Variants in FAM185A observed in about 807,000 individuals in gnomAD.
FAM185A encodes family with sequence similarity 185 member A, also known as protein FAM185A.
Under a neutral mutation model 45.7 loss-of-function variants are expected in FAM185A, and 21 were observed. The observed-to-expected ratio is 0.46, with a 90% CI of 0.33 to 0.66. The LOEUF is 0.66. FAM185A is among the 30% of genes least tolerant of loss of function. FAM185A has a pLI of 0.03. For missense variants in FAM185A, 305 were observed against 485.4 expected (o/e 0.63, Z 3.49); for synonymous variants, 117 against 194.0 (o/e 0.60, Z 3.30).
the FAM185A span, among the ~76,000 whole-genome samples, chr7:102,817,058 G>T: frequency 1.3e-5 from 2 of 152,166 alleles, no homozygotes. Context: ...GAATGATGCT[G>T]CAATAAACAT....
intron 7 of FAM185A, among the ~76,000 whole-genome samples, chr7:102,794,737 G>C (rs1295871801): frequency 6.6e-6 from 1 of 152,192 alleles, no homozygotes. Context: ...ATTTGTAATA[G>C]CCAAAAAACT....
At chr7:102,834,831 G>C in the FAM185A span, 5 of 151,616 alleles carry the variant, frequency 3.3e-5, no homozygotes, top group African/African-American at 4.8e-5. Context: ...AGTATCATAA[G>C]TATGTAAGGT....
intron 6 of FAM185A, among the ~76,000 whole-genome samples, chr7:102,778,795 C>T (rs1018105141): frequency 5.9e-5 from 9 of 152,164 alleles, no homozygotes; most frequent in African/African-American, 1.4e-4. Flanking sequence ...TCTCAATACA[C>T]TTGGTAAGAG....
intron 7 of FAM185A, among the ~76,000 whole-genome samples, chr7:102,793,966 G>A (rs1413270072): frequency 6.7e-6 from 1 of 149,944 alleles, no homozygotes; most frequent in African/African-American, 2.5e-5. Flanking sequence ...CTTGAACCCA[G>A]GAGGCAGAGA....
chr7:102,767,427 T>C (rs1440099004), intron 4 of FAM185A, among the ~76,000 whole-genome samples: 3 of 152,128 alleles, frequency 2.0e-5, no homozygotes, highest in African/African-American at 7.2e-5. Context: ...GGCTGAGATA[T>C]GTAGTTTAGC....
At chr7:102,807,326 T>G (rs1797180362) in intron 7 of FAM185A, among the ~76,000 whole-genome samples, 1 of 152,196 alleles carries the variant, frequency 6.6e-6, no homozygotes, top group Non-Finnish European at 1.5e-5. Flanking sequence ...TGTCAAAACT[T>G]ACTACATTGT....
At chr7:102,822,700 T>C in the FAM185A span, among the ~76,000 whole-genome samples, 17 of 152,370 alleles carry the variant, frequency 1.1e-4, no homozygotes, top group African/African-American at 4.1e-4. Context: ...ATAATGGGCC[T>C]ACAATTCAAG....
chr7:102,822,033 T>C, the FAM185A span: 1 of 1,614,132 alleles, frequency 6.2e-7, no homozygotes, highest in African/African-American at 1.3e-5. Flanking sequence ...GTCAGGTACA[T>C]ACTTACTTGG....
chr7:102,835,270 G>A, the FAM185A span, among the ~76,000 whole-genome samples: 3 of 152,164 alleles, frequency 2.0e-5, no homozygotes. Context: ...ATTAGAAGGG[G>A]CAGCTTGTCA....
At position 102,772,451 on chromosome 7, in the gene FAM185A, G is replaced by C. The variant is rs1294654148; in HGVS notation, c.835+1G>C. On this transcript the variant is annotated splice_donor_variant, in intron 5 of 7. Coordinates refer to ENST00000413034, the MANE Select transcript of FAM185A (RefSeq NM_001145268.2). LOFTEE classifies it high-confidence loss of function. ...AGCAAGATGGGTAACATCACAGTAG[G>C]TATGTGCTAAGCTACTAGTTCGTGT... 2 of 1,543,372 alleles carry C rather than the reference G, an allele frequency of 1.3e-6. No homozygotes were observed. The highest frequency in any genetic ancestry group is 4.1e-5 in the Admixed American group (2 of 49,216).
chr7:102,843,804 A>T, the FAM185A span, among the ~76,000 whole-genome samples: 4 of 152,190 alleles, frequency 2.6e-5, no homozygotes, highest in Non-Finnish European at 5.9e-5. Flanking sequence ...ATAAAAATTT[A>T]AAAATCCAAT....
chr7:102,787,295 T>C (rs1453198298), intron 6 of FAM185A, 40 bp from the exon 7 acceptor site: 1 of 1,304,908 alleles, frequency 7.7e-7, no homozygotes, highest in Non-Finnish European at 9.9e-7. Context: ...GTACTTTTGA[T>C]TTCTTTATAT....
chr7:102,753,565 G>T (rs982067685), intron 2 of FAM185A, among the ~76,000 whole-genome samples: 2 of 151,892 alleles, frequency 1.3e-5, no homozygotes, highest in African/African-American at 4.8e-5. Flanking sequence ...TTGTGACAAG[G>T]GAAAATGTCT....
chr7:102,830,509 A>C, the FAM185A span, among the ~76,000 whole-genome samples: 1 of 152,218 alleles, frequency 6.6e-6, no homozygotes, highest in African/African-American at 2.4e-5. Flanking sequence ...GAACCAGATG[A>C]TGCTGACCAG....
intron 2 of FAM185A, among the ~76,000 whole-genome samples, chr7:102,756,662 A>G (rs903202305): frequency 2.0e-5 from 3 of 150,432 alleles, no homozygotes; most frequent in Non-Finnish European, 4.4e-5. Context: ...GTCTAAAAAC[A>G]AAAACAAAAA....
intron 5 of FAM185A, among the ~76,000 whole-genome samples, chr7:102,774,187 TTG>T (rs1562857164): frequency 6.6e-6 from 1 of 152,180 alleles, no homozygotes; most frequent in African/African-American, 2.4e-5. Context: ...TTAAATTCAT[TTG>T]TGTTTTTAAC....
At chr7:102,751,981 T>C (rs1266087965) in intron 2 of FAM185A, among the ~76,000 whole-genome samples, 180 bp downstream of exon 2, 2 of 151,682 alleles carry the variant, frequency 1.3e-5, no homozygotes, top group Non-Finnish European at 2.9e-5. Context: ...ACAGAGGTTA[T>C]AGCAGTTTTG....
chr7:102,760,447 T>C (rs1188417017), intron 3 of FAM185A, among the ~76,000 whole-genome samples: 1 of 152,084 alleles, frequency 6.6e-6, no homozygotes, highest in East Asian at 1.9e-4. Context: ...CTAATTAATG[T>C]ACTAAAAGAG....
the FAM185A span, among the ~76,000 whole-genome samples, chr7:102,848,228 G>A: frequency 6.6e-6 from 1 of 152,248 alleles, no homozygotes; most frequent in Non-Finnish European, 1.5e-5. Context: ...TTGTCTAGCT[G>A]CAAGATTTTC....
Sources: gnomAD v4.1 joint callset for allele counts (sites outside exome capture counted in the v4.1 genomes callset) on GRCh38, gnomAD v4.1.1 for gene constraint, MANE v1.5 for transcripts, NCBI Gene and HGNC (gene_info 2026-07-23, HGNC 2026-07-21) for gene names.